Variants in PLAGL1 observed in about 807,000 individuals in gnomAD.
PLAGL1 encodes the protein zinc finger protein PLAGL1.
In PLAGL1, 1 loss-of-function variant was observed where a neutral mutation model predicts 4.6. The ratio of observed to expected loss-of-function variants is 0.22; its 90% CI spans 0.08 to 1.03. The LOEUF (loss-of-function observed/expected upper bound fraction) is 1.03, where lower values mean the gene tolerates loss of function less well. Among genes scored for constraint, PLAGL1 ranks in the 50% least tolerant of loss-of-function variants. The pLI, the probability that PLAGL1 is intolerant of heterozygous loss-of-function variation, is 0.58. For synonymous variants in PLAGL1, 240 were observed against 237.8 expected (o/e 1.01, Z -0.08); for missense variants, 464 against 570.4 (o/e 0.81, Z 1.90).
intron 1 of PLAGL1, among the ~76,000 whole-genome samples, chr6:144,038,466 C>A (rs1797444454): frequency 6.6e-6 from 1 of 152,196 alleles, no homozygotes; most frequent in Admixed American, 6.5e-5. Flanking sequence ...CAATGAGGTA[C>A]TGGCATTAAG....
intron 7 of PLAGL1, among the ~76,000 whole-genome samples, chr6:143,944,711 A>G (rs1779376448): frequency 5.2e-5 from 2 of 38,694 alleles, no homozygotes; most frequent in Non-Finnish European, 6.9e-5. Flanking sequence ...CAGGATATCC[A>G]TATGTATATA....
chr6:143,971,658 G>A lies in PLAGL1; in HGVS notation c.-543-2680C>T, dbSNP rs1755494858. On this transcript the variant is annotated intron_variant, in intron 2 of 7. Coordinates refer to ENST00000674357, the MANE Select transcript of PLAGL1 (RefSeq NM_001317162.2). This position sits in a 1 kb window ranked among gnomAD's most constrained non-coding sequence, Gnocchi z 4.7. Reference sequence around the variant, plus strand: ...CTTAGACTTTTCACTAAGAAGCAAAGCTGTTTGTTTGCCTTTTCTGATAAG... The same window carrying A: ...CTTAGACTTTTCACTAAGAAGCAAAACTGTTTGTTTGCCTTTTCTGATAAG... Among the ~76,000 whole-genome samples the A allele has an allele frequency of 6.6e-6, 1 of 152,180 alleles. No homozygotes were observed. The highest frequency in any genetic ancestry group is 6.5e-5 in the Admixed American group (1 of 15,282).
In PLAGL1 at chr6:144,063,703, G is replaced by T. The variant is rs1174970134; in HGVS notation, c.-151+765C>A. The stretch of plus-strand genomic sequence containing the variant: ...CGCTCCTAGACCCATGAACACTCGG[G>T]AAGCCCCAGGGGTATCTCTGTCCTC... On this transcript the variant is annotated intron_variant, in intron 1 of 3. Transcript: ENST00000437412. The surrounding 1 kb of genome is among the most constrained non-coding windows in gnomAD (Gnocchi z 5.7). Among the ~76,000 whole-genome samples, 1 of 152,150 alleles carries T rather than the reference G, an allele frequency of 6.6e-6. No individual in the cohort carries two copies. Among genetic ancestry groups the T allele is most frequent in the Non-Finnish European group, 1.5e-5 (1 of 68,016 alleles).
Position 143,955,238 on chromosome 6 carries a change from T to C in PLAGL1, c.-325+5231A>G, listed in dbSNP as rs1290068111. Among the ~76,000 whole-genome samples, 1 of 152,158 alleles carries C rather than the reference T, an allele frequency of 6.6e-6. No homozygotes were observed. Among genetic ancestry groups the C allele is most frequent in the Non-Finnish European group, 1.5e-5 (1 of 68,024 alleles). On this transcript the variant is annotated intron_variant, in intron 6 of 7. Coordinates refer to ENST00000674357, the MANE Select transcript of PLAGL1 (RefSeq NM_001317162.2). This position sits in a 1 kb window ranked among gnomAD's most constrained non-coding sequence, Gnocchi z 4.9. Reference sequence around the variant, plus strand: ...AGCTAGCGTAGAAGTTTACAACGTGTTCAAGAGGGAGGTGGTCTATTTCAG... The same window carrying C: ...AGCTAGCGTAGAAGTTTACAACGTGCTCAAGAGGGAGGTGGTCTATTTCAG...
chr6:144,062,470 C>CAAAAAAAAAAA (rs543521128), intron 1 of PLAGL1, among the ~76,000 whole-genome samples: 1 of 75,700 alleles, frequency 1.3e-5, no homozygotes, highest in African/African-American at 5.2e-5. Flanking sequence ...GTTATCAGAC[C>CAAAAAAAAAAA]AAAAAAAAAA....
At chr6:144,042,837 T>C (rs529059777) in intron 1 of PLAGL1, among the ~76,000 whole-genome samples, 1 of 152,368 alleles carries the variant, frequency 6.6e-6, no homozygotes, top group African/African-American at 2.4e-5. Context: ...GTTTGTGTTC[T>C]CTTTTATTTT....
At position 143,952,259 on chromosome 6, in the gene PLAGL1, T is replaced by C. The variant is rs989238005; in HGVS notation, c.-324-3799A>G. On this transcript the variant is annotated intron_variant, in intron 6 of 7. Transcript: ENST00000674357. The surrounding 1 kb of genome is among the most constrained non-coding windows in gnomAD (Gnocchi z 6.1). ...CATCCTTAAAACAATTTATGACAAC[T>C]TTCTATTATCTGGCAGGCCACCAAC... Among the ~76,000 whole-genome samples, 3 of 152,194 alleles carry C rather than the reference T, an allele frequency of 2.0e-5. No homozygotes were observed. The highest frequency in any genetic ancestry group is 4.4e-5 in the Non-Finnish European group (3 of 68,040).
upstream of PLAGL1, among the ~76,000 whole-genome samples, chr6:144,012,439 G>A (rs2064660): frequency 0.24 from 36,697 of 152,002 alleles, 5,300 homozygotes; most frequent in South Asian, 0.36. This position sits in a 1 kb window ranked among gnomAD's most constrained non-coding sequence, Gnocchi z 4.8. Flanking sequence ...AGTTCGCCAT[G>A]TTAGCCAGGC....
chr6:143,948,190 A>G lies in PLAGL1; in HGVS notation c.-54T>C. ...AGATGTGCTGACCAAATGCTGTGCCATTTAAGCACAAACAGAACGATGGTG... is the reference window on the plus strand; with the variant it reads ...AGATGTGCTGACCAAATGCTGTGCCGTTTAAGCACAAACAGAACGATGGTG... On this transcript the variant is annotated 5_prime_UTR_variant, in exon 7 of 8. It removes an upstream start codon present in the reference 5' UTR. Coordinates refer to ENST00000674357, the MANE Select transcript of PLAGL1 (RefSeq NM_001317162.2). The surrounding 1 kb of genome is among the most constrained non-coding windows in gnomAD (Gnocchi z 6.0). 6.5e-7 allele frequency: 1 copy of G among 1,543,774 alleles called. No individual in the cohort carries two copies. The highest frequency in any genetic ancestry group is 2.3e-5 in the East Asian group (1 of 44,294).
chr6:143,943,153 C>A (rs886825754), intron 7 of PLAGL1, among the ~76,000 whole-genome samples: 1 of 150,986 alleles, frequency 6.6e-6, no homozygotes, highest in Non-Finnish European at 1.5e-5. Context: ...CAAGAGTCAC[C>A]GTGCCTGGCC....
chr6:143,993,519 C>G (rs745977235), intron 1 of PLAGL1, among the ~76,000 whole-genome samples: 3 of 152,084 alleles, frequency 2.0e-5, no homozygotes, highest in Non-Finnish European at 4.4e-5. Flanking sequence ...CAAAAACTAA[C>G]TTCTTCTCCA....
Position 143,984,849 on chromosome 6 carries a change from T to A in PLAGL1, c.-544+286A>T, listed in dbSNP as rs961580906. On this transcript the variant is annotated intron_variant, in intron 2 of 7. Transcript: ENST00000674357. The surrounding 1 kb of genome is among the most constrained non-coding windows in gnomAD (Gnocchi z 5.5). ...AGGACGTCTGCATCTATATACAACC[T>A]CAGCTCTGCCCTTTGCTCCCACTAA... 6.6e-6 allele frequency among the ~76,000 whole-genome samples: 1 copy of A among 152,178 alleles called. No individual in the cohort carries two copies. Among genetic ancestry groups the A allele is most frequent in the African/African-American group, 2.4e-5 (1 of 41,452 alleles).
chr6:143,954,180 T>C lies in PLAGL1; in HGVS notation c.-324-5720A>G, dbSNP rs1356095216. Reference sequence around the variant, plus strand: ...CCAGCTGACAAGCCCCACCTAAGTATACAAAGCTCCCATCAGCTCTTTACT... The same window carrying C: ...CCAGCTGACAAGCCCCACCTAAGTACACAAAGCTCCCATCAGCTCTTTACT... On this transcript the variant is annotated intron_variant, in intron 6 of 7. Transcript: ENST00000674357. This position sits in a 1 kb window ranked among gnomAD's most constrained non-coding sequence, Gnocchi z 5.1. 1.3e-5 allele frequency among the ~76,000 whole-genome samples: 2 copies of C among 152,082 alleles called. No homozygotes were observed. The highest frequency in any genetic ancestry group is 6.6e-5 in the Admixed American group (1 of 15,264).
rs974698522 is a variant in PLAGL1, at chr6:143,989,160, T to A, written c.-583-3986A>T. On this transcript the variant is annotated intron_variant, in intron 1 of 7. Coordinates refer to ENST00000674357, the MANE Select transcript of PLAGL1 (RefSeq NM_001317162.2). This position sits in a 1 kb window ranked among gnomAD's most constrained non-coding sequence, Gnocchi z 4.8. ...AAGCCCAGATAGGCAGCTCAGTGTGTCTGGGGGTGCCCCAGGGGACATTAA... is the reference window on the plus strand; with the variant it reads ...AAGCCCAGATAGGCAGCTCAGTGTGACTGGGGGTGCCCCAGGGGACATTAA... 3.3e-5 allele frequency among the ~76,000 whole-genome samples: 5 copies of A among 152,200 alleles called. No homozygotes were observed. The highest frequency in any genetic ancestry group is 1.2e-4 in the African/African-American group (5 of 41,454).
upstream of PLAGL1, chr6:144,008,392 G>C (rs1583671227): frequency 6.6e-6 from 1 of 151,864 alleles, no homozygotes; most frequent in East Asian, 1.9e-4. This position sits in a 1 kb window ranked among gnomAD's most constrained non-coding sequence, Gnocchi z 6.9. Flanking sequence ...GAGGCCGCGC[G>C]CAGGCGGGGC....
At chr6:144,020,187 G>A (rs1795868800) in intron 1 of PLAGL1, among the ~76,000 whole-genome samples, 1 of 152,138 alleles carries the variant, frequency 6.6e-6, no homozygotes, top group South Asian at 2.1e-4. Flanking sequence ...CACTGAATCT[G>A]ACAGCACCCT....
intron 1 of PLAGL1, among the ~76,000 whole-genome samples, chr6:144,057,076 C>G (rs1799027329): frequency 6.6e-6 from 1 of 152,208 alleles, no homozygotes; most frequent in Non-Finnish European, 1.5e-5. Context: ...CTGCTGTTAA[C>G]ATCCTCATAC....
intron 1 of PLAGL1, among the ~76,000 whole-genome samples, chr6:144,052,794 C>A (rs1798673170): frequency 6.6e-6 from 1 of 152,028 alleles, no homozygotes; most frequent in South Asian, 2.1e-4. Flanking sequence ...TTTTCCTTTT[C>A]CAACAACTAG....
rs1220553370 is a variant in PLAGL1, at chr6:143,966,256, A to G, written c.-471-58T>C. ...CTGAAAGTTGTTAATCAGGAGAGCAATATGTTCAGGCTTGTGTTATAGAAA... is the reference window on the plus strand; with the variant it reads ...CTGAAAGTTGTTAATCAGGAGAGCAGTATGTTCAGGCTTGTGTTATAGAAA... On this transcript the variant is annotated intron_variant, in intron 3 of 7. Transcript: ENST00000674357. This position sits in a 1 kb window ranked among gnomAD's most constrained non-coding sequence, Gnocchi z 6.0. 1 of 152,252 alleles carries G rather than the reference A, an allele frequency of 6.6e-6. No homozygotes were observed. Among genetic ancestry groups the G allele is most frequent in the East Asian group, 1.9e-4 (1 of 5,200 alleles). 9.4% of individuals were successfully genotyped at this position (152,252 alleles called of 1,614,324 possible).
Sources: allele counts gnomAD v4.1 joint callset (sites outside exome capture counted in the v4.1 genomes callset), GRCh38; gene constraint gnomAD v4.1.1; non-coding constraint Gnocchi (gnomAD v3.1); transcripts MANE v1.5; gene names NCBI Gene and HGNC (gene_info 2026-07-23, HGNC 2026-07-21).